Variants in TRIM62 observed in about 807,000 individuals in gnomAD.
TRIM62 encodes E3 ubiquitin-protein ligase TRIM62.
Under a neutral mutation model 44.2 loss-of-function variants are expected in TRIM62, and 39 were observed. The ratio of observed to expected loss-of-function variants is 0.88; its 90% CI spans 0.68 to 1.15. The LOEUF is 1.15. Ranked by LOEUF, TRIM62 falls within the 50% of genes most tolerant of loss-of-function variation. The pLI is 0.00. For synonymous variants in TRIM62, 278 were observed against 292.3 expected (o/e 0.95, Z 0.50); for missense variants, 544 against 665.5 (o/e 0.82, Z 2.01).
In TRIM62 at chr1:33,145,708, C is replaced by G. The variant is rs1645013918; in HGVS notation, c.*1469G>C. On this transcript the variant is annotated 3_prime_UTR_variant, in exon 5 of 5. Transcript: ENST00000291416. ...AGACATTTAGGCTCAGTCTTGCAGC[C>G]CACTCCTCCAGTTCCCACCTCTGGG... 5.5e-6 allele frequency: 2 copies of G among 360,796 alleles called. No individual in the cohort carries two copies. The highest frequency in any genetic ancestry group is 7.8e-5 in the Admixed American group (2 of 25,702). 22.3% of individuals were successfully genotyped at this position (360,796 alleles called of 1,614,324 possible).
intron 1 of TRIM62, among the ~76,000 whole-genome samples, chr1:33,180,681 C>T (rs1463374358): frequency 6.6e-6 from 1 of 152,226 alleles, no homozygotes; most frequent in Non-Finnish European, 1.5e-5. Context: ...GTCCACAACC[C>T]TGCCCCAGCC....
chr1:33,170,968 G>A (rs994619346), intron 1 of TRIM62, among the ~76,000 whole-genome samples: 1 of 152,170 alleles, frequency 6.6e-6, no homozygotes, highest in African/African-American at 2.4e-5. Flanking sequence ...TCCCGTATGC[G>A]GCTCCCTAGT....
At chr1:33,179,951 T>C (rs1645447660) in intron 1 of TRIM62, among the ~76,000 whole-genome samples, 2 of 152,230 alleles carry the variant, frequency 1.3e-5, no homozygotes, top group African/African-American at 4.8e-5. Context: ...CCCACACTTA[T>C]TAATAGAGAG....
intron 4 of TRIM62, among the ~76,000 whole-genome samples, chr1:33,155,960 T>G (rs1253957178): frequency 6.6e-6 from 1 of 152,218 alleles, no homozygotes; most frequent in Non-Finnish European, 1.5e-5. Flanking sequence ...TGCTTCCTGC[T>G]TTACTGAGAA....
chr1:33,163,904 C>G (rs1273946699), intron 2 of TRIM62: 1 of 152,934 alleles, frequency 6.5e-6, no homozygotes, highest in African/African-American at 2.4e-5. Flanking sequence ...CCCCACAGGA[C>G]CCCCCAGAGG....
At chr1:33,164,766 T>TATTCATTCATTCATTC (rs112595375) in intron 2 of TRIM62, 1 of 151,606 alleles carries the variant, frequency 6.6e-6, no homozygotes, top group African/African-American at 2.4e-5. Flanking sequence ...GCAATGGGCT[T>TATTCATTCATTCATTC]ATTCATTCAT....
chr1:33,156,532 T>C (rs1370663097), intron 4 of TRIM62, among the ~76,000 whole-genome samples: 2 of 152,186 alleles, frequency 1.3e-5, no homozygotes, highest in South Asian at 4.1e-4. Context: ...CTCTGACTGC[T>C]CCTTCTCGGT....
At chr1:33,155,994 C>T (rs1179174288) in intron 4 of TRIM62, among the ~76,000 whole-genome samples, 2 of 152,182 alleles carry the variant, frequency 1.3e-5, no homozygotes, top group African/African-American at 4.8e-5. Flanking sequence ...AGAAGAGAAT[C>T]CCCCAAGCGC....
intron 1 of TRIM62, among the ~76,000 whole-genome samples, chr1:33,169,312 C>T (rs1216230702): frequency 1.3e-5 from 2 of 152,182 alleles, no homozygotes; most frequent in African/African-American, 4.8e-5. Context: ...TGAGAGTCAT[C>T]CTTGATTCCT....
chr1:33,165,423 C>T lies in TRIM62; in HGVS notation c.504+48G>A. On this transcript the variant is annotated intron_variant, in intron 2 of 4. Transcript: ENST00000291416. This position sits in a 1 kb window ranked among gnomAD's most constrained non-coding sequence, Gnocchi z 4.0. Reference sequence around the variant, plus strand: ...CCAGCTGGCCCCGCCCCTCGAAGCCCTGCCCTCATCTCTGCCGGCCCCACC... The same window carrying T: ...CCAGCTGGCCCCGCCCCTCGAAGCCTTGCCCTCATCTCTGCCGGCCCCACC... The T allele has an allele frequency of 6.6e-7, 1 of 1,514,252 alleles. No homozygotes were observed. The highest frequency in any genetic ancestry group is 8.9e-7 in the Non-Finnish European group (1 of 1,121,458). The allele number at this position is 1,514,252 out of a possible 1,614,324, so 93.8% of individuals were successfully genotyped here.
intron 1 of TRIM62, among the ~76,000 whole-genome samples, chr1:33,178,909 T>C (rs1017709801): frequency 6.6e-6 from 1 of 152,216 alleles, no homozygotes; most frequent in African/African-American, 2.4e-5. Context: ...GTAATTTGGA[T>C]TTCCTGGTTT....
At chr1:33,156,429 G>C (rs777286120) in intron 4 of TRIM62, among the ~76,000 whole-genome samples, 34 of 152,166 alleles carry the variant, frequency 2.2e-4, no homozygotes, top group Non-Finnish European at 4.1e-4. Context: ...GTTCTCCCAT[G>C]CTTGGCTCAG....
rs374252741 is a variant in TRIM62, at chr1:33,151,165, G to A, written c.878-3438C>T. ...GCTCTCCGTGGGTCTGAGACCAGTA[G>A]ACAAAGATAAGCCTGCAGATTGGAG... On this transcript the variant is annotated intron_variant, in intron 4 of 4. Coordinates refer to ENST00000291416, the MANE Select transcript of TRIM62 (RefSeq NM_018207.3). Among the ~76,000 whole-genome samples, 20 of 152,240 alleles carry A rather than the reference G, an allele frequency of 1.3e-4. No homozygotes were observed. In the East Asian group the frequency reaches 2.9e-3, roughly 22 times the overall value.
At position 33,181,561 on chromosome 1, in the gene TRIM62, C is replaced by G; in HGVS notation, c.-129G>C. 7.1e-7 allele frequency: 1 copy of G among 1,406,388 alleles called. No individual in the cohort carries two copies. Among genetic ancestry groups the G allele is most frequent in the East Asian group, 2.7e-5 (1 of 36,370 alleles). 87.1% of individuals were successfully genotyped at this position (1,406,388 alleles called of 1,614,324 possible). ...CCGCACAGGCAGGGGTAGGAGCTAC[C>G]GGAGAAGGGAGGGGGTGCTGTCCGG... is the stretch of plus-strand genomic sequence containing the variant. On this transcript the variant is annotated 5_prime_UTR_variant, in exon 1 of 5. Coordinates refer to ENST00000291416, the MANE Select transcript of TRIM62 (RefSeq NM_018207.3). The surrounding 1 kb of genome is among the most constrained non-coding windows in gnomAD (Gnocchi z 6.5).
chr1:33,151,989 C>T (rs1645105435), intron 4 of TRIM62, among the ~76,000 whole-genome samples: 1 of 152,244 alleles, frequency 6.6e-6, no homozygotes, highest in South Asian at 2.1e-4. Context: ...TTCCTCTGGC[C>T]AGGCCTTTAA....
At chr1:33,154,878 G>A (rs1350379530) in intron 4 of TRIM62, among the ~76,000 whole-genome samples, 1 of 151,744 alleles carries the variant, frequency 6.6e-6, no homozygotes, top group Non-Finnish European at 1.5e-5. Context: ...CAGAACATGA[G>A]GTCAGGAGAT....
intron 4 of TRIM62, among the ~76,000 whole-genome samples, chr1:33,154,308 G>A (rs1645143208): frequency 6.6e-6 from 1 of 152,090 alleles, no homozygotes; most frequent in South Asian, 2.1e-4. Context: ...CCCTGGAGCA[G>A]GGAGCCTGGG....
Position 33,146,844 on chromosome 1 carries a change from T to C in TRIM62, c.*333A>G, listed in dbSNP as rs185995899. The C allele has an allele frequency of 6.8e-5, 25 of 369,492 alleles. No individual in the cohort carries two copies. The East Asian group carries it at 1.4e-3, about 21-fold the overall frequency. The allele number at this position is 369,492 out of a possible 1,614,324, so 22.9% of individuals were successfully genotyped here. On this transcript the variant is annotated 3_prime_UTR_variant, in exon 5 of 5. Transcript: ENST00000291416. ...CTCTGACACTTCCTGAGGTCAGGGCTGGGCTGGAGGGAGACACTGGAAGGT... is the reference window on the plus strand; with the variant it reads ...CTCTGACACTTCCTGAGGTCAGGGCCGGGCTGGAGGGAGACACTGGAAGGT...
At position 33,159,810 on chromosome 1, in the gene TRIM62, C is replaced by T. The variant is rs973665334; in HGVS notation, c.639G>A (p.Gln213=). ...GCTGCTGGCTGTAGCGCTGGACTTT[C>T]TGCTCGATGTCGGTCAGCGTGCGGG... ...DTARTLTDIE[Q]KVQRYSQQLR... The change falls in exon 3 of 5, where the codon CAG becomes CAA. Residue 213 remains glutamine, a synonymous_variant. Transcript: ENST00000291416. This position sits in a 1 kb window ranked among gnomAD's most constrained non-coding sequence, Gnocchi z 4.2. The T allele has an allele frequency of 6.2e-7, 1 of 1,613,924 alleles. No individual in the cohort carries two copies. The highest frequency in any genetic ancestry group is 8.5e-7 in the Non-Finnish European group (1 of 1,180,004).
Sources: allele counts gnomAD v4.1 joint callset (sites outside exome capture counted in the v4.1 genomes callset), GRCh38; gene constraint gnomAD v4.1.1; non-coding constraint Gnocchi (gnomAD v3.1); transcripts MANE v1.5; gene names NCBI Gene and HGNC (gene_info 2026-07-23, HGNC 2026-07-21).